Variants in APP observed in about 807,000 individuals in gnomAD.
The protein encoded by APP is amyloid beta precursor protein.
In APP, 31 loss-of-function variants were observed where a neutral mutation model predicts 101.4. The ratio of observed to expected loss-of-function variants is 0.31; its 90% confidence interval spans 0.23 to 0.41. The LOEUF (loss-of-function observed/expected upper bound fraction) is 0.41. Among genes scored for constraint, APP ranks in the 10% least tolerant of loss-of-function variants. APP has a pLI of 1.00. For synonymous variants in APP, 366 were observed against 364.4 expected, an observed-to-expected ratio of 1.00 and a Z score of -0.05; for missense variants, 839 against 1,003.7, an observed-to-expected ratio of 0.84 and a Z score of 2.22.
chr21:26,166,890 GAGAGAGAGAGAGAGAA>G (rs141907537), intron 1 of APP, among the ~76,000 whole-genome samples: 21,767 of 113,464 alleles, frequency 0.19, 1,915 homozygotes, highest in East Asian at 0.32. Flanking sequence ...GAGAGAGAGA[GAGAGAGAGAGAGAGAA>G]AGAGAGAGAA....
At chr21:25,909,366 C>T (rs747018947) in intron 14 of APP, among the ~76,000 whole-genome samples, 1 of 151,398 alleles carries the variant, frequency 6.6e-6, no homozygotes, top group Non-Finnish European at 1.5e-5. Flanking sequence ...ATGAAGAGTA[C>T]TGCAACTCAA....
intron 13 of APP, among the ~76,000 whole-genome samples, chr21:25,913,150 T>C (rs2039168183): frequency 6.6e-6 from 1 of 152,014 alleles, no homozygotes; most frequent in Non-Finnish European, 1.5e-5. Context: ...TTCTCTTTTC[T>C]ATTGACAAAA....
chr21:25,991,589 G>A (rs2042867985), intron 8 of APP, among the ~76,000 whole-genome samples: 1 of 152,170 alleles, frequency 6.6e-6, no homozygotes, highest in Non-Finnish European at 1.5e-5. Flanking sequence ...TGTTGGCCAG[G>A]CTGGTCTCGA....
At chr21:26,023,355 C>T (rs2044428674) in intron 5 of APP, among the ~76,000 whole-genome samples, 1 of 147,672 alleles carries the variant, frequency 6.8e-6, no homozygotes, top group Non-Finnish European at 1.5e-5. Flanking sequence ...CACGGTGAGA[C>T]CCTGTCTCCA....
rs1314082907 is a variant in APP, at chr21:26,096,433, G to A, written c.226-6361C>T. Among the ~76,000 whole-genome samples the A allele has an allele frequency of 6.1e-5, 9 of 148,128 alleles. 1 individual carries two copies. The East Asian group carries it at 1.4e-3, about 23-fold the overall frequency. On this transcript the variant is annotated intron_variant, in intron 2 of 17. Transcript: ENST00000346798. ...TGCTCCCACCCTCAGCTCTCTGAAG[G>A]AGGACTCATTAGTGACTGTATTTCA...
intron 1 of APP, among the ~76,000 whole-genome samples, chr21:26,113,824 A>C (rs1227294408): frequency 6.6e-6 from 1 of 152,246 alleles, no homozygotes; most frequent in Non-Finnish European, 1.5e-5. Flanking sequence ...GATCTTAGAA[A>C]TCGAAATGCA....
chr21:26,160,843 A>AT (rs1399002448), intron 1 of APP, among the ~76,000 whole-genome samples: 2 of 152,124 alleles, frequency 1.3e-5, no homozygotes, highest in Admixed American at 6.5e-5. Flanking sequence ...AAAATGAGGC[A>AT]TTTTTTCTTT....
rs188934465 is a variant in APP at position 25,950,937 on chromosome 21, A to G, written c.1687+3653T>C. ...GAGAACTCAGAATAGAGTGTGTAAAACAAGTAAATTTCCAGAAGGACATGA... is the reference window on the plus strand; with the variant it reads ...GAGAACTCAGAATAGAGTGTGTAAAGCAAGTAAATTTCCAGAAGGACATGA... On this transcript the variant is annotated intron_variant, in intron 13 of 17. Transcript: ENST00000346798. Among the ~76,000 whole-genome samples, 175 of 152,310 alleles carry G rather than the reference A, an allele frequency of 1.1e-3. 1 individual carries two copies. The highest frequency in any genetic ancestry group is 3.9e-3 in the African/African-American group (163 of 41,572).
chr21:26,003,627 C>T (rs2043388155), intron 6 of APP, among the ~76,000 whole-genome samples: 1 of 152,188 alleles, frequency 6.6e-6, no homozygotes, highest in African/African-American at 2.4e-5. Flanking sequence ...TGACAGTGTG[C>T]TTTTGTTACT....
Position 25,881,720 on chromosome 21 carries a change from T to C in APP, c.2263A>G (p.Asn755Asp). 1 of 1,614,034 alleles carries C rather than the reference T, an allele frequency of 6.2e-7. No homozygotes were observed. The highest frequency in any genetic ancestry group is 1.7e-5 in the Admixed American group (1 of 60,018). ...TTGTAGGTTGGATTTTCGTAGCCGT[T>C]CTGCTGCATCTTGGACAGGTGGCGC... ...EERHLSKMQQ[N>D]GYENPTYKFF... is the part of the protein sequence containing the mutation. Residue 755 changes from asparagine to aspartate, a missense_variant, in exon 18 of 18, where the codon AAC (asparagine) becomes GAC (aspartate). Physicochemically the swap from Asn to Asp is conservative, Grantham distance 23. Coordinates refer to ENST00000346798, the MANE Select transcript of APP (RefSeq NM_000484.4).
At chr21:25,955,460 A>G (rs555952908) in intron 12 of APP, among the ~76,000 whole-genome samples, 167 bp downstream of exon 12, 6 of 152,310 alleles carry the variant, frequency 3.9e-5, no homozygotes, top group African/African-American at 1.4e-4. Flanking sequence ...GCCAAACCAC[A>G]TATTGCTCTA....
intron 2 of APP, among the ~76,000 whole-genome samples, chr21:26,098,443 T>C (rs2146147465): frequency 6.6e-6 from 1 of 152,130 alleles, no homozygotes; most frequent in South Asian, 2.1e-4. Context: ...AAGAGAAATG[T>C]ATATATTAAA....
At chr21:26,105,858 A>C (rs900599791) in intron 2 of APP, among the ~76,000 whole-genome samples, 2 of 152,158 alleles carry the variant, frequency 1.3e-5, no homozygotes, top group African/African-American at 2.4e-5. Context: ...TTTCTAATCC[A>C]TACCCACTGT....
At chr21:25,963,000 A>C (rs1181507783) in intron 11 of APP, among the ~76,000 whole-genome samples, 1 of 151,962 alleles carries the variant, frequency 6.6e-6, no homozygotes, top group Non-Finnish European at 1.5e-5. Context: ...TTTTTAGTAG[A>C]GAAGGGTTTC....
At chr21:26,047,167 A>G (rs1249986180) in intron 5 of APP, among the ~76,000 whole-genome samples, 1 of 152,198 alleles carries the variant, frequency 6.6e-6, no homozygotes, top group Non-Finnish European at 1.5e-5. Flanking sequence ...CAATGAGGTC[A>G]TAAAACAGAG....
intron 1 of APP, among the ~76,000 whole-genome samples, chr21:26,156,604 A>C (rs1259984978): frequency 1.3e-5 from 2 of 151,434 alleles, no homozygotes; most frequent in Non-Finnish European, 2.9e-5. Context: ...AAGCCAGCAA[A>C]GGTCACCCAT....
Position 25,997,411 on chromosome 21 carries a change from G to A in APP, c.1039C>T (p.Gln347Ter). 1 of 1,612,488 alleles carries A rather than the reference G, an allele frequency of 6.2e-7. No individual in the cohort carries two copies. The highest frequency in any genetic ancestry group is 2.2e-5 in the East Asian group (1 of 44,864). ...TCCTGGGTAGTCTTGAGTAAACTTT[G>A]GGACACTATGGAAAAAATAAGAGAA... ...CMAVCGSAMS[Q>*]SLLKTTQEPL... Residue 347 changes from glutamine to a stop codon, truncating the protein, a stop_gained, in exon 8 of 18, where the codon CAA (glutamine) becomes TAA (stop). Coordinates refer to ENST00000346798, the MANE Select transcript of APP (RefSeq NM_000484.4). LOFTEE classifies it high-confidence loss of function.
chr21:25,947,407 T>C (rs1403879803), intron 13 of APP, among the ~76,000 whole-genome samples: 1 of 152,218 alleles, frequency 6.6e-6, no homozygotes, highest in Non-Finnish European at 1.5e-5. Context: ...CATTCACACA[T>C]TTGTATCTTG....
chr21:25,937,684 G>GAAACAGCAAATC (rs1318962202), intron 13 of APP: 1 of 152,198 alleles, frequency 6.6e-6, no homozygotes, highest in Non-Finnish European at 1.5e-5. Flanking sequence ...CACAATTTCT[G>GAAACAGCAAATC]AAACAGCAAA....
Sources: gnomAD v4.1 joint callset for allele counts (sites outside exome capture counted in the v4.1 genomes callset) on GRCh38, gnomAD v4.1.1 for gene constraint, MANE v1.5 for transcripts, NCBI Gene and HGNC (gene_info 2026-07-23, HGNC 2026-07-21) for gene names.